VOPP1: variants seen among roughly 807,000 people sequenced by gnomAD.
VOPP1 encodes WW domain binding protein VOPP1.
A neutral mutation model predicts 23.5 loss-of-function variants in VOPP1; 8 were observed. The observed-to-expected ratio is 0.34, with a 90% CI of 0.20 to 0.61. The LOEUF is 0.61. Among genes scored for constraint, VOPP1 ranks in the 20% least tolerant of loss-of-function variants. VOPP1 has a pLI of 0.78. For missense variants in VOPP1, 174 were observed against 238.1 expected (o/e 0.73, Z 1.77); for synonymous variants, 83 against 97.3 (o/e 0.85, Z 0.86).
chr7:55,517,010 G>C (rs114815653), intron 2 of VOPP1, among the ~76,000 whole-genome samples: 2,081 of 128,744 alleles, frequency 0.016, 63 homozygotes, highest in African/African-American at 0.058. Context: ...CAGTGGTGTG[G>C]CTCACTGCAA....
intron 4 of VOPP1, among the ~76,000 whole-genome samples, 174 bp downstream of exon 4, chr7:55,492,103 ATACCT>A (rs1482434064): frequency 1.3e-5 from 2 of 152,238 alleles, no homozygotes; most frequent in African/African-American, 2.4e-5. Flanking sequence ...GGCGTGCGAT[ATACCT>A]TACATTTGTT....
intron 1 of VOPP1, chr7:55,552,651 ACCATATGACACCG>A (rs1340220781): frequency 6.5e-7 from 1 of 1,536,006 alleles, no homozygotes; most frequent in Non-Finnish European, 8.7e-7. Flanking sequence ...CCCTTTTCCT[ACCATATGACACCG>A]CCTTCCAACA....
chr7:55,490,472 C>T (rs1474225751), intron 4 of VOPP1, among the ~76,000 whole-genome samples: 3 of 152,178 alleles, frequency 2.0e-5, no homozygotes, highest in African/African-American at 4.8e-5. Context: ...ACAGTCTCAG[C>T]ACCTCACCTA....
chr7:55,451,775 A>G (rs1791250940), intron 4 of VOPP1, among the ~76,000 whole-genome samples: 1 of 152,232 alleles, frequency 6.6e-6, no homozygotes, highest in Non-Finnish European at 1.5e-5. Context: ...TGGGCGACAG[A>G]GCGAGACTCT....
intron 4 of VOPP1, among the ~76,000 whole-genome samples, chr7:55,439,691 C>T (rs913860323): frequency 6.6e-6 from 1 of 152,200 alleles, no homozygotes; most frequent in Non-Finnish European, 1.5e-5. Flanking sequence ...GAACAGACAC[C>T]GGTTGGCACA....
chr7:55,475,545 G>A (rs1352934135), intron 4 of VOPP1, among the ~76,000 whole-genome samples: 1 of 152,184 alleles, frequency 6.6e-6, no homozygotes, highest in East Asian at 1.9e-4. Context: ...GTGACAAGGA[G>A]CGACAGGCCC....
intron 1 of VOPP1, among the ~76,000 whole-genome samples, chr7:55,547,685 T>C (rs1281912960): frequency 6.6e-6 from 1 of 152,154 alleles, no homozygotes; most frequent in Non-Finnish European, 1.5e-5. Flanking sequence ...AGCTTTGAGA[T>C]AAAGAAACTT....
At chr7:55,513,450 C>A (rs1795211928) in intron 2 of VOPP1, among the ~76,000 whole-genome samples, 1 of 152,198 alleles carries the variant, frequency 6.6e-6, no homozygotes, top group Non-Finnish European at 1.5e-5. Context: ...CCTATCGTCT[C>A]AGTGGAGTTG....
At chr7:55,452,262 G>C (rs1483547859) in intron 4 of VOPP1, among the ~76,000 whole-genome samples, 1 of 152,150 alleles carries the variant, frequency 6.6e-6, no homozygotes, top group Non-Finnish European at 1.5e-5. Context: ...TGAGATTGTA[G>C]CAATTCAGTC....
chr7:55,527,319 G>T (rs958406014), intron 1 of VOPP1, among the ~76,000 whole-genome samples: 4 of 152,074 alleles, frequency 2.6e-5, no homozygotes, highest in Admixed American at 6.6e-5. Context: ...AGAGTATGAG[G>T]CTTCTCACAA....
chr7:55,536,395 G>A (rs1228637256), intron 1 of VOPP1, among the ~76,000 whole-genome samples: 1 of 152,156 alleles, frequency 6.6e-6, no homozygotes, highest in African/African-American at 2.4e-5. Context: ...CCGGTGTGGT[G>A]GCGGGCGCCT....
At chr7:55,479,197 C>T (rs992803913) in intron 4 of VOPP1, among the ~76,000 whole-genome samples, 14 of 150,710 alleles carry the variant, frequency 9.3e-5, no homozygotes, top group Non-Finnish European at 1.9e-4. Flanking sequence ...GGTACATGTG[C>T]ACAATGTGCA....
At chr7:55,518,049 A>C (rs1478356064) in intron 2 of VOPP1, among the ~76,000 whole-genome samples, 1 of 152,164 alleles carries the variant, frequency 6.6e-6, no homozygotes, top group Non-Finnish European at 1.5e-5. Context: ...TATAGCACTA[A>C]TCTCATGAGC....
intron 1 of VOPP1, among the ~76,000 whole-genome samples, chr7:55,559,662 GACTAGCTATTAATAAA>G (rs1264820942): frequency 6.6e-6 from 1 of 152,174 alleles, no homozygotes; most frequent in Admixed American, 6.5e-5. Flanking sequence ...CCACTGGGGT[GACTAGCTATTAATAAA>G]ACCAATACAT....
At chr7:55,458,795 C>A (rs756193226) in intron 4 of VOPP1, among the ~76,000 whole-genome samples, 19 of 152,072 alleles carry the variant, frequency 1.2e-4, no homozygotes, top group Non-Finnish European at 2.2e-4. Context: ...TTTAGGTTGT[C>A]TATATATAAG....
At chr7:55,498,682 T>TA (rs994102657) in intron 2 of VOPP1, among the ~76,000 whole-genome samples, 2 of 152,014 alleles carry the variant, frequency 1.3e-5, no homozygotes, top group Admixed American at 1.3e-4. Flanking sequence ...TTTTTTCCTT[T>TA]AAAAAAAAGT....
intron 1 of VOPP1, among the ~76,000 whole-genome samples, chr7:55,529,586 GGTTTA>G (rs1253203000): frequency 2.0e-5 from 3 of 152,068 alleles, no homozygotes; most frequent in Admixed American, 6.5e-5. Context: ...AATTTACTTA[GGTTTA>G]GTTTATACAC....
At chr7:55,507,700 A>C (rs1794822110) in intron 2 of VOPP1, among the ~76,000 whole-genome samples, 1 of 152,228 alleles carries the variant, frequency 6.6e-6, no homozygotes. Flanking sequence ...TGTCAACCTC[A>C]GTTGGTAATC....
At chr7:55,462,660 T>A (rs1366433536) in intron 4 of VOPP1, among the ~76,000 whole-genome samples, 11 of 148,220 alleles carry the variant, frequency 7.4e-5, no homozygotes, top group Middle Eastern at 3.4e-3. Flanking sequence ...ATTATATTTT[T>A]TTTTTTTTTT....
Sources: gnomAD v4.1 joint callset for allele counts (sites outside exome capture counted in the v4.1 genomes callset) on GRCh38, gnomAD v4.1.1 for gene constraint, MANE v1.5 for transcripts, NCBI Gene and HGNC (gene_info 2026-07-23, HGNC 2026-07-21) for gene names.